WDPCP: variants seen among roughly 807,000 people sequenced by gnomAD.
WDPCP encodes the protein WD repeat-containing and planar cell polarity effector protein fritz homolog.
Under a neutral mutation model 93.1 loss-of-function variants are expected in WDPCP, and 71 were observed. That is an observed-to-expected ratio of 0.76 (90% CI 0.63 to 0.93). The LOEUF (loss-of-function observed/expected upper bound fraction) is 0.93. Among genes scored for constraint, WDPCP ranks in the 40% least tolerant of loss-of-function variants. The probability of loss-of-function intolerance (pLI) is 0.00; values close to 1 mark genes in which losing one functional copy is unlikely to be tolerated. For missense variants in WDPCP, 844 were observed against 887.4 expected (o/e 0.95, Z 0.62); for synonymous variants, 315 against 315.0 (o/e 1.00, Z 0.00).
intron 3 of WDPCP, among the ~76,000 whole-genome samples, chr2:63,635,253 C>T (rs1709909597): frequency 1.3e-5 from 2 of 151,954 alleles, no homozygotes; most frequent in African/African-American, 4.8e-5. Context: ...AAAGAAAAGA[C>T]CAGGAACAGT....
intron 3 of WDPCP, among the ~76,000 whole-genome samples, chr2:63,607,733 G>C (rs1375257344): frequency 1.3e-5 from 2 of 151,394 alleles, no homozygotes; most frequent in African/African-American, 4.9e-5. Context: ...GGGAGGCTGA[G>C]GCAGGAGAAT....
intron 1 of WDPCP, among the ~76,000 whole-genome samples, chr2:63,824,754 C>T (rs1671087623): frequency 1.3e-5 from 2 of 151,616 alleles, no homozygotes; most frequent in Admixed American, 1.3e-4. Flanking sequence ...TTTGTATTTA[C>T]AGTTTTCTTC....
At chr2:63,383,416 C>T (rs927877975) in intron 10 of WDPCP, among the ~76,000 whole-genome samples, 2 of 152,044 alleles carry the variant, frequency 1.3e-5, no homozygotes, top group African/African-American at 4.8e-5. Context: ...AAAGCCAGAT[C>T]TAAAATTATA....
intron 6 of WDPCP, among the ~76,000 whole-genome samples, chr2:63,457,973 A>C (rs1423746737): frequency 3.3e-5 from 5 of 151,982 alleles, no homozygotes; most frequent in Non-Finnish European, 4.4e-5. Context: ...AAAATACAAA[A>C]ATTAGCTAGG....
chr2:63,404,557 T>C lies in WDPCP; in HGVS notation c.926A>G (p.Asp309Gly). 6.2e-7 allele frequency: 1 copy of C among 1,613,842 alleles called. No individual in the cohort carries two copies. Among genetic ancestry groups the C allele is most frequent in the South Asian group, 1.1e-5 (1 of 91,048 alleles). The change falls in exon 10 of 18, where the codon GAC becomes GGC. Residue 309 changes from aspartate (D) to glycine (G), a missense_variant. Coordinates refer to ENST00000272321, the MANE Select transcript of WDPCP (RefSeq NM_015910.7). ...GCAGCTGTCAGCCATGGGCTCTTTG[T>C]CTACACTTACGGAGTGCTCCACTGT... ...VFTVEHSVSV[D>G]KEPMADSCIY... is the part of the protein sequence containing the mutation.
intron 14 of WDPCP, among the ~76,000 whole-genome samples, chr2:63,212,143 G>A (rs577062319): frequency 1.4e-4 from 22 of 152,256 alleles, no homozygotes; most frequent in African/African-American, 4.8e-4. Context: ...CTCGAGAAGA[G>A]CAACTCCAGG....
intron 1 of WDPCP, among the ~76,000 whole-genome samples, chr2:63,539,504 T>C (rs1406073869): frequency 2.6e-5 from 4 of 152,180 alleles, no homozygotes; most frequent in African/African-American, 9.7e-5. Context: ...GAAACCAGCC[T>C]GGCCAACATG....
At chr2:63,334,035 T>C (rs1020217368) in intron 12 of WDPCP, among the ~76,000 whole-genome samples, 2 of 152,218 alleles carry the variant, frequency 1.3e-5, no homozygotes, top group Non-Finnish European at 2.9e-5. Context: ...GCTTTCCCTA[T>C]TTTTGAGAAA....
intron 2 of WDPCP, among the ~76,000 whole-genome samples, chr2:63,720,594 A>G (rs113377430): frequency 0.017 from 2,529 of 152,154 alleles, 21 homozygotes; most frequent in African/African-American, 0.017. Flanking sequence ...TTTTTTTCCT[A>G]CATAGAAAAT....
chr2:63,546,603 C>G (rs549968405), intron 1 of WDPCP, among the ~76,000 whole-genome samples: 2 of 152,298 alleles, frequency 1.3e-5, no homozygotes, highest in Admixed American at 1.3e-4. Context: ...CATTTTAAAT[C>G]TTGACTTAGC....
chr2:63,136,389 GGAGA>G (rs57217973), intron 17 of WDPCP, among the ~76,000 whole-genome samples: 3 of 152,130 alleles, frequency 2.0e-5, no homozygotes, highest in Non-Finnish European at 2.9e-5. Context: ...AGGGATTGAT[GGAGA>G]GAGTGAGAGA....
At chr2:63,133,425 G>A (rs193288256) in intron 17 of WDPCP, among the ~76,000 whole-genome samples, 27 of 152,252 alleles carry the variant, frequency 1.8e-4, no homozygotes, top group Admixed American at 1.3e-3. Context: ...AGCCTTGTTC[G>A]TTTTGGTTCA....
chr2:63,611,645 TAAAC>T (rs1187631422), intron 3 of WDPCP, among the ~76,000 whole-genome samples: 1 of 152,248 alleles, frequency 6.6e-6, no homozygotes, highest in Non-Finnish European at 1.5e-5. Context: ...TTGATGGCTT[TAAAC>T]AAACCTCAAA....
intron 3 of WDPCP, among the ~76,000 whole-genome samples, chr2:63,645,358 A>T (rs1484277636): frequency 6.6e-6 from 1 of 152,204 alleles, no homozygotes; most frequent in African/African-American, 2.4e-5. Flanking sequence ...CATTGTGATC[A>T]GAGAAGATGC....
chr2:63,474,374 T>C (rs953492176), intron 6 of WDPCP, among the ~76,000 whole-genome samples: 3 of 152,070 alleles, frequency 2.0e-5, no homozygotes, highest in African/African-American at 7.2e-5. Flanking sequence ...CATAAGATGG[T>C]TCTCAATTTT....
intron 2 of WDPCP, among the ~76,000 whole-genome samples, chr2:63,697,741 G>C (rs1668979585): frequency 1.3e-5 from 2 of 151,836 alleles, no homozygotes; most frequent in African/African-American, 4.8e-5. Flanking sequence ...TAGACTTCCT[G>C]GGCTGAGGTG....
At chr2:63,282,483 C>T (rs2030190) in intron 13 of WDPCP, among the ~76,000 whole-genome samples, 121,819 of 152,074 alleles carry the variant, frequency 0.8, 49,654 homozygotes, top group East Asian at 0.96. Flanking sequence ...CCAGCCTGGG[C>T]GACAGAGCGA....
At chr2:63,420,340 T>C (rs1479421911) in intron 9 of WDPCP, among the ~76,000 whole-genome samples, 1 of 119,846 alleles carries the variant, frequency 8.3e-6, no homozygotes, top group African/African-American at 3.3e-5. Context: ...CTGACCAACA[T>C]AGAGACACCC....
chr2:63,629,691 C>A (rs1197690777), intron 3 of WDPCP, among the ~76,000 whole-genome samples: 5 of 152,204 alleles, frequency 3.3e-5, no homozygotes, highest in Non-Finnish European at 7.4e-5. Context: ...TCCCACCCAG[C>A]AGTAACAAGG....
Sources: allele counts gnomAD v4.1 joint callset (sites outside exome capture counted in the v4.1 genomes callset), GRCh38; gene constraint gnomAD v4.1.1; transcripts MANE v1.5; gene names NCBI Gene and HGNC (gene_info 2026-07-23, HGNC 2026-07-21).